NUB1: variants seen among roughly 807,000 people sequenced by gnomAD.
NUB1 encodes negative regulator of ubiquitin like proteins 1.
NUB1 carries 41 observed loss-of-function variants against 77.1 expected under a neutral mutation model. That is an observed-to-expected ratio of 0.53 (90% confidence interval 0.41 to 0.69). The LOEUF is 0.69. Ranked by LOEUF, NUB1 falls within the 30% of genes least tolerant of loss-of-function variation. NUB1 has a pLI of 0.00. For missense variants in NUB1, 643 were observed against 743.8 expected, an observed-to-expected ratio of 0.86 and a Z score of 1.58; for synonymous variants, 257 against 281.0, an observed-to-expected ratio of 0.91 and a Z score of 0.85.
At chr7:151,347,471 T>C (rs1263744339) in intron 2 of NUB1, among the ~76,000 whole-genome samples, 1 of 152,188 alleles carries the variant, frequency 6.6e-6, no homozygotes, top group Non-Finnish European at 1.5e-5. Flanking sequence ...TTTTCCTTTT[T>C]TTTTGAGACA....
At position 151,377,393 on chromosome 7, in the gene NUB1, G is replaced by A. The variant is rs6952675; in HGVS notation, c.*168G>A. ...AGGAGGGGTCCCAGGGCCTTCATGC[G>A]TGGTCTCGGGGAAGAAGCTTCCTCT... is the stretch of plus-strand genomic sequence containing the variant. On this transcript the variant is annotated 3_prime_UTR_variant, in exon 15 of 15. Coordinates refer to ENST00000568733, the MANE Select transcript of NUB1 (RefSeq NM_001243351.2). 0.28 allele frequency: 134,330 copies of A among 480,558 alleles called. 20,325 individuals are homozygous for A. Among genetic ancestry groups the A allele is most frequent in the East Asian group, 0.43 (12,001 of 27,920 alleles). 29.8% of individuals were successfully genotyped at this position (480,558 alleles called of 1,614,324 possible).
intron 3 of NUB1, chr7:151,351,191 C>G: frequency 2.0e-6 from 1 of 499,644 alleles, no homozygotes; most frequent in Non-Finnish European, 3.5e-6. Flanking sequence ...TGAGACGGCC[C>G]CTCTGAGCAG....
At chr7:151,351,595 T>A (rs1290061413) in intron 4 of NUB1, 113 bp downstream of exon 4, 1 of 737,224 alleles carries the variant, frequency 1.4e-6, no homozygotes, top group Admixed American at 3.1e-5. Context: ...ATCTTCATTT[T>A]ATAAAAGAGA....
At chr7:151,373,605 T>A (rs1049021207) in intron 11 of NUB1, among the ~76,000 whole-genome samples, 1 of 151,964 alleles carries the variant, frequency 6.6e-6, no homozygotes, top group African/African-American at 2.4e-5. Context: ...GGGGGGCGGG[T>A]CACCAGCTTT....
intron 2 of NUB1, 58 bp downstream of exon 2, chr7:151,345,524 A>C: frequency 2.1e-6 from 2 of 959,694 alleles, no homozygotes; most frequent in South Asian, 3.1e-5. Flanking sequence ...TTGGTAAATA[A>C]GATTCTGAAT....
intron 9 of NUB1, 137 bp from the exon 10 acceptor site, chr7:151,367,724 A>T (rs897268913): frequency 1.0e-5 from 6 of 592,392 alleles, no homozygotes; most frequent in Non-Finnish European, 1.8e-5. Flanking sequence ...TTTTGCCGTC[A>T]GTCATAGTGA....
intron 2 of NUB1, among the ~76,000 whole-genome samples, chr7:151,346,691 G>A (rs533519108): frequency 6.6e-6 from 1 of 152,352 alleles, no homozygotes; most frequent in East Asian, 1.9e-4. Flanking sequence ...CCATGGGACA[G>A]AGGCTTCTAT....
chr7:151,376,580 G>A (rs947041697), intron 13 of NUB1, 54 bp from the exon 14 acceptor site: 12 of 1,507,152 alleles, frequency 8.0e-6, no homozygotes, highest in Non-Finnish European at 1.1e-5. Context: ...GGCTGACGGG[G>A]GTGGCAGAAG....
At chr7:151,348,942 G>C in intron 2 of NUB1, 131 bp from the exon 3 acceptor site, 1 of 727,166 alleles carries the variant, frequency 1.4e-6, no homozygotes, top group Non-Finnish European at 2.3e-6. Flanking sequence ...TCAAACCACA[G>C]TGTGGACTGC....
At chr7:151,342,685 A>G (rs1796268725) in intron 1 of NUB1, among the ~76,000 whole-genome samples, 1 of 152,232 alleles carries the variant, frequency 6.6e-6, no homozygotes, top group Non-Finnish European at 1.5e-5. Flanking sequence ...GTTTCAAGAC[A>G]GTGGTTTAAT....
rs1410530714 is a variant in NUB1 at position 151,356,129 on chromosome 7, A to G, written c.600A>G (p.Ala200=). The part of the protein sequence containing the change: ...KRGLEILAKR[A]AETVVDPEMT... ...GAGGTCCTTTTGGTTTTGTTACAGCAGCAGAGACAGTGGTGGATCCAGAAA... is the reference window on the plus strand; with the variant it reads ...GAGGTCCTTTTGGTTTTGTTACAGCGGCAGAGACAGTGGTGGATCCAGAAA... Residue 200 remains alanine, a splice_region_variant and synonymous_variant, in exon 7 of 15, where the codon GCA becomes GCG. Transcript: ENST00000568733. 1 of 1,613,264 alleles carries G rather than the reference A, an allele frequency of 6.2e-7. No homozygotes were observed. The highest frequency in any genetic ancestry group is 1.1e-5 in the South Asian group (1 of 91,050).
At position 151,375,930 on chromosome 7, in the gene NUB1, A is replaced by G. The variant is rs1174632140; in HGVS notation, c.1478A>G (p.Glu493Gly). Residue 493 changes from glutamate (E) to glycine (G), a missense_variant, in exon 13 of 15, where the codon GAA becomes GGA. By Grantham distance (98) the Glu-to-Gly change is moderately conservative. Coordinates refer to ENST00000568733, the MANE Select transcript of NUB1 (RefSeq NM_001243351.2). Reference sequence around the variant, plus strand: ...AACCGTCAAGAAAGTCCTTCCCAGGAAAACATTGACCGAGTGAGTGACAGG... The same window carrying G: ...AACCGTCAAGAAAGTCCTTCCCAGGGAAACATTGACCGAGTGAGTGACAGG... The part of the protein sequence containing the change: ...TDNRQESPSQ[E>G]NIDRLVYMGF... The G allele has an allele frequency of 6.2e-7, 1 of 1,610,834 alleles. No homozygotes were observed. Among genetic ancestry groups the G allele is most frequent in the East Asian group, 2.2e-5 (1 of 44,872 alleles).
intron 7 of NUB1, among the ~76,000 whole-genome samples, chr7:151,359,623 C>T (rs769682291): frequency 1.1e-4 from 16 of 150,772 alleles, no homozygotes; most frequent in Non-Finnish European, 1.9e-4. Context: ...ACTAAAAATA[C>T]GAAATTAGCC....
chr7:151,367,979 TAA>T lies in NUB1; in HGVS notation c.1095+13_1095+14del, dbSNP rs1309077478. The T allele has an allele frequency of 6.8e-7, 1 of 1,475,634 alleles. No homozygotes were observed. Among genetic ancestry groups the T allele is most frequent in the Admixed American group, 2.2e-5 (1 of 46,228 alleles). 91.4% of individuals were successfully genotyped at this position (1,475,634 alleles called of 1,614,324 possible). A position where few individuals can be genotyped will look rare whatever the true frequency, so the allele number is the denominator to read the frequency against. ...GAGTATCTTAACAAGGTAAGAAAAG[TAA>T]AGTTGTAACCAATTTTCACCTCCTT... is the stretch of plus-strand genomic sequence containing the variant. On this transcript the variant is annotated intron_variant, in intron 10 of 14. Coordinates refer to ENST00000568733, the MANE Select transcript of NUB1 (RefSeq NM_001243351.2).
At chr7:151,370,633 G>A (rs1453046817) in intron 11 of NUB1, among the ~76,000 whole-genome samples, 13 of 151,426 alleles carry the variant, frequency 8.6e-5, no homozygotes, top group Admixed American at 8.5e-4. Context: ...ATGCTGGTGC[G>A]CTGCACCCAT....
intron 8 of NUB1, 133 bp downstream of exon 8, chr7:151,360,380 G>A (rs1276231947): frequency 1.0e-5 from 5 of 497,196 alleles, no homozygotes; most frequent in Non-Finnish European, 1.8e-5. Flanking sequence ...TAGTTATGGT[G>A]TAAACTGGTG....
chr7:151,350,591 A>C (rs1796749070), intron 3 of NUB1, among the ~76,000 whole-genome samples: 2 of 152,268 alleles, frequency 1.3e-5, no homozygotes, highest in South Asian at 4.1e-4. Flanking sequence ...TGTAGAACAA[A>C]GATTATTGTA....
intron 3 of NUB1, chr7:151,350,990 G>A (rs1243453818): frequency 1.7e-5 from 3 of 174,080 alleles, no homozygotes; most frequent in African/African-American, 7.2e-5. Flanking sequence ...GAAGAAGCCA[G>A]ACACAAAAGG....
intron 8 of NUB1, among the ~76,000 whole-genome samples, chr7:151,362,020 A>C (rs1387516193): frequency 6.6e-6 from 1 of 152,206 alleles, no homozygotes; most frequent in Non-Finnish European, 1.5e-5. Context: ...CTCATAACTA[A>C]GCTTCTGCAG....
Sources: allele counts gnomAD v4.1 joint callset (sites outside exome capture counted in the v4.1 genomes callset), GRCh38; gene constraint gnomAD v4.1.1; transcripts MANE v1.5; gene names NCBI Gene and HGNC (gene_info 2026-07-23, HGNC 2026-07-21).